LAMC2: variants seen among roughly 807,000 people sequenced by gnomAD.
The protein encoded by LAMC2 is laminin subunit gamma 2.
Under a neutral mutation model 140.2 loss-of-function variants are expected in LAMC2, and 97 were observed. The observed-to-expected ratio is 0.69, with a 90% CI of 0.59 to 0.82. The LOEUF (loss-of-function observed/expected upper bound fraction) is 0.82. Ranked by LOEUF, LAMC2 falls within the 40% of genes least tolerant of loss-of-function variation. LAMC2 has a pLI of 0.00. For synonymous variants in LAMC2, 513 were observed against 540.2 expected (o/e 0.95, Z 0.70); for missense variants, 1,402 against 1,476.1 (o/e 0.95, Z 0.82).
intron 14 of LAMC2, among the ~76,000 whole-genome samples, chr1:183,233,307 C>T (rs975732385): frequency 7.9e-5 from 12 of 151,010 alleles, no homozygotes; most frequent in African/African-American, 2.9e-4. Context: ...GAGGAAGGGA[C>T]AGAGGGAAAG....
chr1:183,225,212 CAAAT>C (rs1474373606), intron 7 of LAMC2, among the ~76,000 whole-genome samples: 2 of 151,986 alleles, frequency 1.3e-5, no homozygotes, highest in East Asian at 3.9e-4. Flanking sequence ...GCTCAGATAA[CAAAT>C]AAATGATTTT....
intron 18 of LAMC2, among the ~76,000 whole-genome samples, 192 bp from the exon 19 acceptor site, chr1:183,238,115 A>G (rs1036695633): frequency 1.3e-5 from 2 of 152,104 alleles, no homozygotes; most frequent in African/African-American, 4.8e-5. Flanking sequence ...GGTGGACTAG[A>G]GTTTCTCTAT....
At chr1:183,230,658 C>T (rs182967185) in intron 11 of LAMC2, among the ~76,000 whole-genome samples, 466 of 152,230 alleles carry the variant, frequency 3.1e-3, no homozygotes, top group Non-Finnish European at 4.8e-3. Context: ...ACGTAATGGG[C>T]CCAGAAGAAA....
intron 15 of LAMC2, among the ~76,000 whole-genome samples, chr1:183,235,050 C>T (rs911775216): frequency 6.6e-6 from 1 of 152,186 alleles, no homozygotes; most frequent in Non-Finnish European, 1.5e-5. Flanking sequence ...TATTTTGTAA[C>T]ATGAGCTGCC....
the LAMC2 span, among the ~76,000 whole-genome samples, chr1:183,255,915 C>T: frequency 6.6e-6 from 1 of 151,882 alleles, no homozygotes; most frequent in South Asian, 2.1e-4. Flanking sequence ...CCACCTGCCT[C>T]CGCCTCCCAA....
In LAMC2 at chr1:183,235,744, G is replaced by A; in HGVS notation, c.2456+14G>A. On this transcript the variant is annotated intron_variant, in intron 16 of 22. Coordinates refer to ENST00000264144, the MANE Select transcript of LAMC2 (RefSeq NM_005562.3). ...GCTTGTGGAAAAGTACGTTCCTACG[G>A]GTCCTCCCGTGGCTCATTATACCTT... The A allele has an allele frequency of 1.2e-6, 2 of 1,613,686 alleles. No individual in the cohort carries two copies. The highest frequency in any genetic ancestry group is 1.7e-6 in the Non-Finnish European group (2 of 1,179,932).
rs368321264 is a variant in LAMC2 at position 183,211,527 on chromosome 1, T to C, written c.268+3458T>C. On this transcript the variant is annotated intron_variant, in intron 2 of 22. Coordinates refer to ENST00000264144, the MANE Select transcript of LAMC2 (RefSeq NM_005562.3). ...TTTTATTGGGTTTGTTGTTGTTGTT[T>C]TGAGACAAGATCTCACTCTGTGGCC... 5.3e-5 allele frequency among the ~76,000 whole-genome samples: 8 copies of C among 152,346 alleles called. No homozygotes were observed. In the East Asian group the frequency reaches 1.5e-3, roughly 29 times the overall value.
the LAMC2 span, among the ~76,000 whole-genome samples, chr1:183,258,330 A>G: frequency 6.6e-6 from 1 of 152,202 alleles, no homozygotes; most frequent in Non-Finnish European, 1.5e-5. Context: ...ATCTCACTGG[A>G]GACCAGCTCA....
chr1:183,207,468 G>A (rs1025367969), intron 1 of LAMC2, among the ~76,000 whole-genome samples: 1 of 152,312 alleles, frequency 6.6e-6, no homozygotes, highest in Admixed American at 6.5e-5. Flanking sequence ...TGCTGAGTCC[G>A]CAGCTGCCCA....
Position 183,186,319 on chromosome 1 carries a change from A to C in LAMC2, c.-34A>C, listed in dbSNP as rs1364433238. On this transcript the variant is annotated 5_prime_UTR_variant, in exon 1 of 23. Coordinates refer to ENST00000264144, the MANE Select transcript of LAMC2 (RefSeq NM_005562.3). Reference sequence around the variant, plus strand: ...CGAGGCGCCGGGCAGCGACCCCTGCAGCGGAGACAGAGACTGAGCGGCCCG... The same window carrying C: ...CGAGGCGCCGGGCAGCGACCCCTGCCGCGGAGACAGAGACTGAGCGGCCCG... 1 of 1,571,188 alleles carries C rather than the reference A, an allele frequency of 6.4e-7. No individual in the cohort carries two copies. The highest frequency in any genetic ancestry group is 8.6e-7 in the Non-Finnish European group (1 of 1,165,274).
rs774646459 is a variant in LAMC2 at position 183,220,854 on chromosome 1, G to C, written c.533G>C (p.Gly178Ala). ...CGATCAGGTTACTATAATCTGGATG[G>C]GGGGAACCCTGAGGGCTGTACCCAG... is the stretch of plus-strand genomic sequence containing the variant. ...RCRSGYYNLDGGNPEGCTQCF... is the reference protein window; with the variant it reads ...RCRSGYYNLDAGNPEGCTQCF... Residue 178 changes from glycine (G) to alanine (A), a missense_variant, in exon 5 of 23, where the codon GGG becomes GCG. Transcript: ENST00000264144. 6.2e-7 allele frequency: 1 copy of C among 1,613,938 alleles called. No homozygotes were observed. The highest frequency in any genetic ancestry group is 1.1e-5 in the South Asian group (1 of 91,068).
At chr1:183,256,605 G>A in the LAMC2 span, among the ~76,000 whole-genome samples, 1 of 152,174 alleles carries the variant, frequency 6.6e-6, no homozygotes, top group Non-Finnish European at 1.5e-5. Flanking sequence ...CACACTGACT[G>A]ATTTGCATAT....
At chr1:183,221,189 A>G (rs1659458876) in intron 5 of LAMC2, among the ~76,000 whole-genome samples, 1 of 152,240 alleles carries the variant, frequency 6.6e-6, no homozygotes, top group South Asian at 2.1e-4. Flanking sequence ...AAGAATAACT[A>G]AAAAAGAGAC....
chr1:183,213,177 G>A (rs945022413), intron 2 of LAMC2, among the ~76,000 whole-genome samples: 8 of 152,206 alleles, frequency 5.3e-5, no homozygotes, highest in African/African-American at 1.7e-4. Context: ...ACTAAATAGC[G>A]TGAGCTAATA....
At chr1:183,246,050 A>G (rs201618215), downstream of LAMC2, among the ~76,000 whole-genome samples, 56 of 152,138 alleles carry the variant, frequency 3.7e-4, 1 homozygote, top group East Asian at 0.01. Flanking sequence ...GGCGCTTGTA[A>G]TCCCAGCTAC....
chr1:183,211,996 A>C (rs2102203597), intron 2 of LAMC2, among the ~76,000 whole-genome samples: 1 of 152,070 alleles, frequency 6.6e-6, no homozygotes, highest in South Asian at 2.1e-4. Context: ...GAATTGGGGC[A>C]GGTTGTTTTT....
intron 1 of LAMC2, among the ~76,000 whole-genome samples, chr1:183,203,414 G>A (rs889908333): frequency 1.2e-4 from 18 of 152,166 alleles, no homozygotes; most frequent in African/African-American, 4.1e-4. Flanking sequence ...ACATTACACC[G>A]TTTTATTAAG....
chr1:183,252,514 TG>T, the LAMC2 span: 20 of 695,028 alleles, frequency 2.9e-5, no homozygotes, highest in Non-Finnish European at 4.2e-5. Flanking sequence ...CCCCACACTA[TG>T]GGGGGTTAAG....
At chr1:183,193,352 T>A (rs1316091241) in intron 1 of LAMC2, among the ~76,000 whole-genome samples, 1 of 152,224 alleles carries the variant, frequency 6.6e-6, no homozygotes, top group Non-Finnish European at 1.5e-5. Flanking sequence ...CTTTTAGCAA[T>A]CATTGTTCTT....
Sources: allele counts gnomAD v4.1 joint callset (sites outside exome capture counted in the v4.1 genomes callset), GRCh38; gene constraint gnomAD v4.1.1; transcripts MANE v1.5; gene names NCBI Gene and HGNC (gene_info 2026-07-23, HGNC 2026-07-21).